Variants in THSD7B observed in about 807,000 individuals in gnomAD.
THSD7B encodes thrombospondin type 1 domain containing 7B, also known as thrombospondin type-1 domain-containing protein 7B.
Under a neutral mutation model 213.6 loss-of-function variants are expected in THSD7B, and 138 were observed. That is an observed-to-expected ratio of 0.65 (90% CI 0.56 to 0.74). The LOEUF is 0.74. THSD7B is among the 30% of genes least tolerant of loss of function. The pLI, the probability that THSD7B is intolerant of heterozygous loss-of-function variation, is 0.00. For missense variants in THSD7B, 1,931 were observed against 1,991.5 expected (o/e 0.97, Z 0.58); for synonymous variants, 742 against 687.0 (o/e 1.08, Z -1.25).
intron 3 of THSD7B, among the ~76,000 whole-genome samples, chr2:137,091,574 T>A (rs905650388): frequency 6.6e-6 from 1 of 151,944 alleles, no homozygotes; most frequent in African/African-American, 2.4e-5. Flanking sequence ...ATATCCAAGA[T>A]CAAGGTGGGG....
intron 15 of THSD7B, among the ~76,000 whole-genome samples, chr2:137,544,680 C>G (rs1680674479): frequency 6.6e-6 from 1 of 151,674 alleles, no homozygotes; most frequent in African/African-American, 2.4e-5. Context: ...TATTCATACT[C>G]TCTTTTATTT....
chr2:137,295,617 A>C (rs1476977490), intron 12 of THSD7B, among the ~76,000 whole-genome samples: 1 of 151,994 alleles, frequency 6.6e-6, no homozygotes, highest in East Asian at 1.9e-4. Context: ...CTGGGATTAC[A>C]GGCACGTGCC....
At chr2:136,830,827 C>T (rs76217354) in intron 1 of THSD7B, among the ~76,000 whole-genome samples, 2,955 of 152,182 alleles carry the variant, frequency 0.019, 43 homozygotes, top group Middle Eastern at 0.031. Context: ...TTGCTTAGTG[C>T]GTGCTATTAT....
intron 15 of THSD7B, among the ~76,000 whole-genome samples, chr2:137,474,420 G>A (rs575469741): frequency 6.6e-5 from 10 of 152,132 alleles, no homozygotes; most frequent in East Asian, 5.8e-4. Flanking sequence ...TTTACCAGTG[G>A]CACTTTCTAT....
At chr2:137,138,694 C>A (rs1432205) in intron 5 of THSD7B, among the ~76,000 whole-genome samples, 73,590 of 152,022 alleles carry the variant, frequency 0.48, 19,348 homozygotes, top group Non-Finnish European at 0.58. Flanking sequence ...GAGCAACCCA[C>A]CACATGTTTA....
intron 15 of THSD7B, among the ~76,000 whole-genome samples, chr2:137,483,695 C>T (rs1321028106): frequency 6.6e-6 from 1 of 152,072 alleles, no homozygotes. Context: ...GGAGCTGAGC[C>T]TGTAGGATGA....
intron 2 of THSD7B, among the ~76,000 whole-genome samples, chr2:137,053,077 A>T (rs913273786): frequency 6.6e-6 from 1 of 152,200 alleles, no homozygotes. Flanking sequence ...GTCTTACCTC[A>T]TAAGAGCCAC....
intron 2 of THSD7B, among the ~76,000 whole-genome samples, chr2:136,997,644 A>G (rs1222144599): frequency 2.6e-5 from 4 of 152,172 alleles, no homozygotes; most frequent in African/African-American, 7.2e-5. Flanking sequence ...GAGGAAACTC[A>G]TGTAGTAGAA....
chr2:136,948,316 G>C (rs1174938531), intron 2 of THSD7B, among the ~76,000 whole-genome samples: 1 of 152,010 alleles, frequency 6.6e-6, no homozygotes, highest in East Asian at 1.9e-4. Flanking sequence ...GTCAGGCAAG[G>C]CCCTTACAAT....
intron 10 of THSD7B, among the ~76,000 whole-genome samples, chr2:137,244,554 A>G (rs578161011): frequency 6.6e-6 from 1 of 152,334 alleles, no homozygotes; most frequent in South Asian, 2.1e-4. Flanking sequence ...ATCACAGGGC[A>G]TGTAAAGTAA....
At chr2:137,448,800 AAACAACAAC>A (rs147631065) in intron 14 of THSD7B, among the ~76,000 whole-genome samples, 28 of 144,866 alleles carry the variant, frequency 1.9e-4, no homozygotes, top group South Asian at 2.2e-4. Flanking sequence ...CTCCATCTCA[AAACAACAAC>A]AACAACAACA....
intron 5 of THSD7B, among the ~76,000 whole-genome samples, chr2:137,154,719 G>A (rs1679881123): frequency 6.6e-6 from 1 of 151,916 alleles, no homozygotes; most frequent in Admixed American, 6.6e-5. Flanking sequence ...CTTTACAATG[G>A]CAGTCACATA....
At chr2:137,201,584 C>G (rs892165686) in intron 7 of THSD7B, among the ~76,000 whole-genome samples, 1 of 152,134 alleles carries the variant, frequency 6.6e-6, no homozygotes, top group Non-Finnish European at 1.5e-5. Context: ...TATATATAAT[C>G]ATTATTTGTC....
In THSD7B at chr2:137,170,929, A is replaced by G; in HGVS notation, c.1714A>G (p.Asn572Asp). 6.2e-7 allele frequency: 1 copy of G among 1,612,340 alleles called. No homozygotes were observed. Among genetic ancestry groups the G allele is most frequent in the Non-Finnish European group, 8.5e-7 (1 of 1,179,662 alleles). Residue 572 changes from asparagine to aspartate, a missense_variant, in exon 7 of 28, where the codon AAT becomes GAT. Coordinates refer to ENST00000409968, the MANE Select transcript of THSD7B (RefSeq NM_001316349.2). ...GHRILKAVCQ[N>D]DRGEDVSGSL... ...TCGTATTCTGAAGGCCGTCTGCCAGAATGACCGCGGTATGACCCAGTGACC... is the reference window on the plus strand; with the variant it reads ...TCGTATTCTGAAGGCCGTCTGCCAGGATGACCGCGGTATGACCCAGTGACC...
At chr2:136,766,175 C>G (rs1211929597) in intron 1 of THSD7B, among the ~76,000 whole-genome samples, 1 of 152,192 alleles carries the variant, frequency 6.6e-6, no homozygotes, top group East Asian at 1.9e-4. Context: ...GGTTTCCTTT[C>G]CCGTAGCGCT....
chr2:137,389,093 A>G (rs556537816), intron 12 of THSD7B, among the ~76,000 whole-genome samples: 1 of 150,726 alleles, frequency 6.6e-6, no homozygotes, highest in South Asian at 2.1e-4. Flanking sequence ...AGAAATCTCC[A>G]TACTGTTTTC....
intron 3 of THSD7B, among the ~76,000 whole-genome samples, chr2:137,073,040 A>T (rs1449881784): frequency 6.6e-6 from 1 of 152,280 alleles, no homozygotes; most frequent in African/African-American, 2.4e-5. Flanking sequence ...ATCAATGTTC[A>T]TCAAGGATAT....
intron 1 of THSD7B, among the ~76,000 whole-genome samples, chr2:136,818,162 A>G (rs1304974278): frequency 6.6e-6 from 1 of 150,782 alleles, no homozygotes; most frequent in Non-Finnish European, 1.5e-5. Context: ...GTCCATCAAT[A>G]ATAGACTGGA....
At chr2:137,404,057 T>C (rs1220452427) in intron 12 of THSD7B, among the ~76,000 whole-genome samples, 1 of 152,132 alleles carries the variant, frequency 6.6e-6, no homozygotes. Context: ...ATATTGTGTA[T>C]TCATTCATAA....
Sources: gnomAD v4.1 joint callset for allele counts (sites outside exome capture counted in the v4.1 genomes callset) on GRCh38, gnomAD v4.1.1 for gene constraint, MANE v1.5 for transcripts, NCBI Gene and HGNC (gene_info 2026-07-23, HGNC 2026-07-21) for gene names.